KIAA1671: variants seen among roughly 807,000 people sequenced by gnomAD.
KIAA1671 encodes KIAA1671.
KIAA1671 carries 52 observed loss-of-function variants against 131.2 expected under a neutral mutation model. The observed-to-expected ratio is 0.40, with a 90% CI of 0.32 to 0.50. The LOEUF (loss-of-function observed/expected upper bound fraction) is 0.50, where lower values mean the gene tolerates loss of function less well. Ranked by LOEUF, KIAA1671 falls within the 20% of genes least tolerant of loss-of-function variation. The pLI, the probability that KIAA1671 is intolerant of heterozygous loss-of-function variation, is 0.73. For synonymous variants in KIAA1671, 1,003 were observed against 961.6 expected (o/e 1.04, Z -0.80); for missense variants, 2,360 against 2,364.2 (o/e 1.00, Z 0.04).
At chr22:25,054,263 G>GT (rs1385755948) in intron 6 of KIAA1671, 1 of 148,950 alleles carries the variant, frequency 6.7e-6, no homozygotes, top group Non-Finnish European at 1.5e-5. Context: ...AAAAAAAGAA[G>GT]GTAGGTAAAT....
Position 25,041,033 on chromosome 22 carries a change from C to T in KIAA1671, c.3903C>T (p.Pro1301=), listed in dbSNP as rs1926895614. The T allele has an allele frequency of 6.7e-7, 1 of 1,498,968 alleles. No homozygotes were observed. The highest frequency in any genetic ancestry group is 8.9e-7 in the Non-Finnish European group (1 of 1,122,760). The allele number at this position is 1,498,968 out of a possible 1,614,324, so 92.9% of individuals were successfully genotyped here. ...KSSPPFWALP[P]SAPSERYPGG... is the part of the protein sequence containing the mutation. ...GCCCTCCCTTCTGGGCTCTGCCACC[C>T]TCGGCTCCTTCTGAAAGGTATCCAG... The change falls in exon 5 of 13, where the codon CCC becomes CCT. Residue 1301 remains proline, a synonymous_variant. Transcript: ENST00000358431.
chr22:24,956,996 A>C (rs28721957), intron 1 of KIAA1671, among the ~76,000 whole-genome samples: 25,222 of 152,054 alleles, frequency 0.17, 2,324 homozygotes, highest in South Asian at 0.28. Flanking sequence ...CGACTTCCCT[A>C]TCTGTAAAAA....
chr22:25,189,126 CTTTTT>C (rs200226589), intron 11 of KIAA1671, among the ~76,000 whole-genome samples: 5 of 114,886 alleles, frequency 4.4e-5, no homozygotes, highest in African/African-American at 1.3e-4. Flanking sequence ...CAGTCTTTTT[CTTTTT>C]TTTTTTTTTT....
intron 12 of KIAA1671, among the ~76,000 whole-genome samples, chr22:25,191,746 G>A (rs1290490130): frequency 7.2e-5 from 11 of 152,254 alleles, no homozygotes; most frequent in Admixed American, 4.6e-4. Flanking sequence ...CAAAGTCAGC[G>A]TTGATGTGAT....
chr22:25,193,148 A>G lies in KIAA1671; in HGVS notation c.*747A>G, dbSNP rs1301306138. 1 of 152,212 alleles carries G rather than the reference A, an allele frequency of 6.6e-6. No individual in the cohort carries two copies. The highest frequency in any genetic ancestry group is 1.5e-5 in the Non-Finnish European group (1 of 68,038). 9.4% of individuals were successfully genotyped at this position (152,212 alleles called of 1,614,324 possible). On this transcript the variant is annotated 3_prime_UTR_variant, in exon 13 of 13. Transcript: ENST00000358431. ...TATATATGTGTTTACGTTAAAGGAC[A>G]GGAGGAAAGATGTGCGAATAATTTG...
intron 6 of KIAA1671, among the ~76,000 whole-genome samples, chr22:25,133,444 G>T (rs567032173): frequency 2.6e-5 from 4 of 152,200 alleles, no homozygotes; most frequent in African/African-American, 9.7e-5. Context: ...TGGTCATTTT[G>T]TTTTCCTTTT....
chr22:25,001,071 AAAAG>A (rs1208798560), intron 1 of KIAA1671, among the ~76,000 whole-genome samples: 6 of 152,234 alleles, frequency 3.9e-5, no homozygotes, highest in South Asian at 2.1e-4. Flanking sequence ...GCTTAAAAAA[AAAAG>A]AAATACAAAA....
At chr22:25,122,819 A>C (rs894043480) in intron 6 of KIAA1671, among the ~76,000 whole-genome samples, 6 of 152,072 alleles carry the variant, frequency 3.9e-5, no homozygotes, top group Non-Finnish European at 7.4e-5. Flanking sequence ...CTAAAAACAC[A>C]AAAACATTAG....
chr22:25,030,999 G>C (rs1926255502), intron 3 of KIAA1671, among the ~76,000 whole-genome samples: 2 of 152,084 alleles, frequency 1.3e-5, no homozygotes, highest in Admixed American at 1.3e-4. Flanking sequence ...ACTTGGTCTG[G>C]GGAGGGTGTT....
In KIAA1671 at chr22:25,194,937, G is replaced by A. The variant is rs1302134854; in HGVS notation, c.*2536G>A. ...GATTTACTTATCCCCATTCTAAATG[G>A]AGTGAGCTCTCTTTGAGGCTAAGCA... On this transcript the variant is annotated 3_prime_UTR_variant, in exon 13 of 13. Transcript: ENST00000358431. The A allele has an allele frequency of 6.6e-6, 1 of 152,200 alleles. No homozygotes were observed. Among genetic ancestry groups the A allele is most frequent in the Non-Finnish European group, 1.5e-5 (1 of 68,050 alleles). 9.4% of individuals were successfully genotyped at this position (152,200 alleles called of 1,614,324 possible). A position where few individuals can be genotyped will look rare whatever the true frequency, so the allele number is the denominator to read the frequency against.
chr22:25,015,900 C>G (rs961859647), intron 1 of KIAA1671, among the ~76,000 whole-genome samples: 1 of 152,210 alleles, frequency 6.6e-6, no homozygotes, highest in African/African-American at 2.4e-5. Flanking sequence ...AGAAACAGTA[C>G]ACACTCCGTA....
intron 6 of KIAA1671, among the ~76,000 whole-genome samples, chr22:25,154,963 C>T (rs1933179331): frequency 6.6e-6 from 1 of 152,150 alleles, no homozygotes; most frequent in Non-Finnish European, 1.5e-5. Context: ...CCCTGATATC[C>T]CCACCTGTCT....
intron 1 of KIAA1671, among the ~76,000 whole-genome samples, chr22:24,967,799 T>C (rs367905250): frequency 6.6e-6 from 1 of 152,186 alleles, no homozygotes; most frequent in Non-Finnish European, 1.5e-5. Flanking sequence ...GAGACCATCC[T>C]GGCTAACACG....
chr22:25,041,202 A>G lies in KIAA1671; in HGVS notation c.4072A>G (p.Ser1358Gly). ...GCCCTCTGGTCGGGAGGATCCAGGC[A>G]GTGGGGTCAGGGTGTCACCCAAATC... is the stretch of plus-strand genomic sequence containing the variant. ...SKPSGREDPG[S>G]GVRVSPKSPP... Residue 1358 changes from serine (S) to glycine (G), a missense_variant, in exon 5 of 13, where the codon AGT (serine) becomes GGT (glycine). Transcript: ENST00000358431. 6.4e-7 allele frequency: 1 copy of G among 1,551,816 alleles called. No homozygotes were observed. The highest frequency in any genetic ancestry group is 8.7e-7 in the Non-Finnish European group (1 of 1,147,020).
intron 2 of KIAA1671, among the ~76,000 whole-genome samples, chr22:25,027,565 G>A (rs1926016731): frequency 2.0e-5 from 3 of 152,306 alleles, no homozygotes; most frequent in East Asian, 1.9e-4. Context: ...TCCTGACTTC[G>A]CCTCTTGCTT....
At chr22:24,990,497 C>T (rs1019144233) in intron 1 of KIAA1671, among the ~76,000 whole-genome samples, 1 of 152,216 alleles carries the variant, frequency 6.6e-6, no homozygotes, top group African/African-American at 2.4e-5. Flanking sequence ...TGGCCCCACA[C>T]ACACCATGCA....
chr22:25,169,784 C>T (rs1281327892), intron 6 of KIAA1671, among the ~76,000 whole-genome samples: 2 of 152,180 alleles, frequency 1.3e-5, no homozygotes, highest in Non-Finnish European at 2.9e-5. Context: ...GTGCCCAGGC[C>T]GAGGGCCGAG....
chr22:25,181,701 G>A lies in KIAA1671; in HGVS notation c.5077G>A (p.Glu1693Lys). 1.3e-6 allele frequency: 2 copies of A among 1,551,580 alleles called. No individual in the cohort carries two copies. Among genetic ancestry groups the A allele is most frequent in the African/African-American group, 1.4e-5 (1 of 73,144 alleles). The change falls in exon 10 of 13, where the codon GAG (glutamate) becomes AAG (lysine). Residue 1693 changes from glutamate to lysine, a missense_variant and splice_region_variant. Coordinates refer to ENST00000358431, the MANE Select transcript of KIAA1671 (RefSeq NM_001145206.2). ...NTWMFKDSTE[E>K]KSPRKEESDE... ...CAGTGCCCTTTTCTTTGCAACAGAG[G>A]AGAAATCACCCAGGAAGGAGGAGTC...
intron 12 of KIAA1671, among the ~76,000 whole-genome samples, chr22:25,191,748 T>C (rs1349457918): frequency 2.6e-5 from 4 of 152,146 alleles, no homozygotes; most frequent in Admixed American, 2.6e-4. Context: ...AAGTCAGCGT[T>C]GATGTGATGA....
Sources: gnomAD v4.1 joint callset for allele counts (sites outside exome capture counted in the v4.1 genomes callset) on GRCh38, gnomAD v4.1.1 for gene constraint, MANE v1.5 for transcripts, NCBI Gene and HGNC (gene_info 2026-07-23, HGNC 2026-07-21) for gene names.